The following HMCN1 variants were observed in gnomAD, a reference collection of about 807,000 sequenced individuals.
HMCN1 encodes hemicentin-1.
In HMCN1, 321 loss-of-function variants were observed where a neutral mutation model predicts 625.9. The observed-to-expected ratio is 0.51, with a 90% CI of 0.47 to 0.56. HMCN1 has a LOEUF of 0.56. Among genes scored for constraint, HMCN1 ranks in the 20% least tolerant of loss-of-function variants. The pLI, the probability that HMCN1 is intolerant of heterozygous loss-of-function variation, is 0.00. For missense variants in HMCN1, 6,588 were observed against 6,887.3 expected, an observed-to-expected ratio of 0.96 and a Z score of 1.54; for synonymous variants, 2,425 against 2,417.6, an observed-to-expected ratio of 1.00 and a Z score of -0.09.
chr1:185,948,977 G>T (rs1291811022), intron 11 of HMCN1, among the ~76,000 whole-genome samples: 1 of 151,790 alleles, frequency 6.6e-6, no homozygotes, highest in Admixed American at 6.6e-5. Context: ...ATTGGTGATG[G>T]CCTGGATACG....
chr1:186,006,593 G>A (rs972412631), intron 29 of HMCN1, among the ~76,000 whole-genome samples: 6 of 151,798 alleles, frequency 4.0e-5, no homozygotes, highest in Admixed American at 1.3e-4. Flanking sequence ...GTAAGCATTT[G>A]TATTTATTAC....
chr1:186,166,083 ACTTCTTGGCCTCTATAAGCAG>A, intron 98 of HMCN1, 80 bp from the exon 99 acceptor site: 1 of 1,265,778 alleles, frequency 7.9e-7, no homozygotes, highest in Non-Finnish European at 1.1e-6. Context: ...ATTTGATTCA[ACTTCTTGGCCTCTATAAGCAG>A]TTATTTTTAC....
At position 186,190,825 on chromosome 1, in the gene HMCN1, T is replaced by C. The variant is rs1387775620; in HGVS notation, c.*947T>C. The C allele has an allele frequency of 5.2e-6, 1 of 192,442 alleles. No homozygotes were observed. Among genetic ancestry groups the C allele is most frequent in the Non-Finnish European group, 1.1e-5 (1 of 91,844 alleles). 11.9% of individuals were successfully genotyped at this position (192,442 alleles called of 1,614,324 possible). On this transcript the variant is annotated 3_prime_UTR_variant, in exon 107 of 107. Coordinates refer to ENST00000271588, the MANE Select transcript of HMCN1 (RefSeq NM_031935.3). ...ATGTATTCTATTTTTATGAAGTGTATATATATTACCTTAGTGTGCATTTTC... is the reference window on the plus strand; with the variant it reads ...ATGTATTCTATTTTTATGAAGTGTACATATATTACCTTAGTGTGCATTTTC...
intron 48 of HMCN1, among the ~76,000 whole-genome samples, chr1:186,063,075 T>TGC (rs1657841797): frequency 4.4e-5 from 4 of 90,098 alleles, no homozygotes; most frequent in Non-Finnish European, 6.6e-5. Flanking sequence ...TGCATATATA[T>TGC]ATATATATAT....
At chr1:186,065,848 T>C (rs571988195) in intron 49 of HMCN1, among the ~76,000 whole-genome samples, 10 of 152,186 alleles carry the variant, frequency 6.6e-5, no homozygotes, top group Non-Finnish European at 1.5e-4. Flanking sequence ...TGTTGGTATG[T>C]TCAGTTCTGG....
intron 78 of HMCN1, 143 bp downstream of exon 78, chr1:186,119,441 T>C (rs1156523935): frequency 2.4e-5 from 18 of 753,456 alleles, no homozygotes; most frequent in Non-Finnish European, 4.2e-5. Flanking sequence ...GTAGATACTT[T>C]TAATAGGCTA....
chr1:185,918,394 C>T (rs527773483), intron 6 of HMCN1, among the ~76,000 whole-genome samples: 1 of 152,316 alleles, frequency 6.6e-6, no homozygotes, highest in East Asian at 1.9e-4. Context: ...GCTTATCCCA[C>T]CTTCTTCCAC....
chr1:186,009,834 C>T (rs1653879330), intron 30 of HMCN1, among the ~76,000 whole-genome samples: 1 of 152,096 alleles, frequency 6.6e-6, no homozygotes. Flanking sequence ...AAACTGTGGT[C>T]CACAGATGAG....
rs1444684695 is a variant in HMCN1 at position 185,817,850 on chromosome 1, T to G, written c.269-28176T>G. On this transcript the variant is annotated intron_variant, in intron 1 of 106. Transcript: ENST00000271588. ...TGTAGAGCACAAAAAGCTGTTTCGG[T>G]TCATAGGATCTCAGAAGATAGAAGG... Among the ~76,000 whole-genome samples, 3 of 150,832 alleles carry G rather than the reference T, an allele frequency of 2.0e-5. No homozygotes were observed. In the East Asian group the frequency reaches 5.9e-4, roughly 30 times the overall value.
At chr1:185,954,305 G>A (rs144862144) in intron 11 of HMCN1, among the ~76,000 whole-genome samples, 2 of 152,288 alleles carry the variant, frequency 1.3e-5, no homozygotes, top group East Asian at 3.9e-4. Flanking sequence ...TTGGTTGAAT[G>A]TGGGTTTTAA....
chr1:186,044,805 C>A (rs1408375269), intron 40 of HMCN1, among the ~76,000 whole-genome samples: 1 of 152,084 alleles, frequency 6.6e-6, no homozygotes, highest in Non-Finnish European at 1.5e-5. Context: ...ATTATACATA[C>A]AGGCCTGAAA....
At chr1:185,895,921 T>C (rs1400072395) in intron 4 of HMCN1, among the ~76,000 whole-genome samples, 1 of 151,774 alleles carries the variant, frequency 6.6e-6, no homozygotes, top group Non-Finnish European at 1.5e-5. Context: ...CTTAAATATG[T>C]TGTTATAGTC....
At chr1:186,158,133 C>T (rs1228027152) in intron 97 of HMCN1, among the ~76,000 whole-genome samples, 1 of 149,118 alleles carries the variant, frequency 6.7e-6, no homozygotes, top group African/African-American at 2.5e-5. Context: ...GATTGCCATT[C>T]TAACTGGTGT....
intron 68 of HMCN1, among the ~76,000 whole-genome samples, chr1:186,098,840 G>A (rs145198242): frequency 2.8e-4 from 42 of 152,246 alleles, no homozygotes; most frequent in African/African-American, 1.0e-3. Context: ...GTACTATTCA[G>A]CCATAAAAAA....
At chr1:186,108,036 A>T (rs1361684012) in intron 70 of HMCN1, among the ~76,000 whole-genome samples, 5 of 20,004 alleles carry the variant, frequency 2.5e-4, no homozygotes, top group Admixed American at 1.3e-3. Context: ...TAAATTCTGT[A>T]AAAAAAAAAA....
chr1:186,100,061 G>C lies in HMCN1; in HGVS notation c.10574-3411G>C, dbSNP rs550391803. 6.6e-5 allele frequency among the ~76,000 whole-genome samples: 10 copies of C among 152,146 alleles called. No homozygotes were observed. The South Asian group carries it at 1.5e-3, about 22-fold the overall frequency. ...AGGGGCCTGGTCTAGCATGTGGCAG[G>C]GGGAGGGGGAGAGCGGGGAGAAAGA... On this transcript the variant is annotated intron_variant, in intron 68 of 106. Coordinates refer to ENST00000271588, the MANE Select transcript of HMCN1 (RefSeq NM_031935.3).
chr1:185,871,551 G>A (rs1255617787), intron 4 of HMCN1, among the ~76,000 whole-genome samples: 1 of 152,098 alleles, frequency 6.6e-6, no homozygotes, highest in East Asian at 1.9e-4. Context: ...TCTAGTGACC[G>A]TTTTTGGTTT....
intron 11 of HMCN1, among the ~76,000 whole-genome samples, chr1:185,955,187 A>G (rs1425807481): frequency 6.6e-6 from 1 of 152,074 alleles, no homozygotes; most frequent in African/African-American, 2.4e-5. Context: ...CCCCATTCCA[A>G]TCCATCTTCC....
chr1:186,090,960 T>A, intron 64 of HMCN1, 43 bp downstream of exon 64: 1 of 1,557,154 alleles, frequency 6.4e-7, no homozygotes. Flanking sequence ...TGTAAGCCCT[T>A]CTACAATGCT....
Sources: gnomAD v4.1 joint callset for allele counts (sites outside exome capture counted in the v4.1 genomes callset) on GRCh38, gnomAD v4.1.1 for gene constraint, MANE v1.5 for transcripts, NCBI Gene and HGNC (gene_info 2026-07-23, HGNC 2026-07-21) for gene names.